SUCLG2: variants seen among roughly 807,000 people sequenced by gnomAD.
SUCLG2 encodes the protein succinate-CoA ligase GDP-forming subunit beta, also known as succinate--CoA ligase [GDP-forming] subunit beta, mitochondrial.
A neutral mutation model predicts 47.9 loss-of-function variants in SUCLG2; 42 were observed. The observed-to-expected ratio is 0.88, with a 90% CI of 0.69 to 1.14. SUCLG2 has a LOEUF of 1.14. Among genes scored for constraint, SUCLG2 ranks in the 50% most tolerant of loss-of-function variants. The pLI, the probability that SUCLG2 is intolerant of heterozygous loss-of-function variation, is 0.00. For synonymous variants in SUCLG2, 195 were observed against 197.3 expected (o/e 0.99, Z 0.10); for missense variants, 571 against 525.9 (o/e 1.09, Z -0.84).
chr3:67,608,637 G>C (rs1344576925), intron 2 of SUCLG2, among the ~76,000 whole-genome samples: 1 of 151,468 alleles, frequency 6.6e-6, no homozygotes, highest in East Asian at 2.0e-4. Context: ...CCCTCCCTAA[G>C]GGATACTGAA....
chr3:67,537,077 A>G (rs544145986), intron 2 of SUCLG2, among the ~76,000 whole-genome samples: 89 of 152,270 alleles, frequency 5.8e-4, no homozygotes, highest in African/African-American at 2.1e-3. Context: ...AGGTTCTGGG[A>G]TATATATGCA....
chr3:67,433,460 G>A (rs567818045), intron 9 of SUCLG2, among the ~76,000 whole-genome samples: 4 of 152,256 alleles, frequency 2.6e-5, no homozygotes, highest in African/African-American at 9.6e-5. Context: ...AGATAGGAAG[G>A]TGCGCACGGT....
chr3:67,597,537 A>G (rs1708320501), intron 2 of SUCLG2, among the ~76,000 whole-genome samples: 1 of 152,116 alleles, frequency 6.6e-6, no homozygotes, highest in Admixed American at 6.5e-5. Context: ...CTCCCTATCT[A>G]TTTCTGTACC....
chr3:67,452,239 C>T (rs1704073288), intron 9 of SUCLG2, among the ~76,000 whole-genome samples: 1 of 152,156 alleles, frequency 6.6e-6, no homozygotes, highest in African/African-American at 2.4e-5. Flanking sequence ...AAAATCTCAT[C>T]CCTTTATATT....
At chr3:67,472,696 G>C (rs1704634106) in intron 9 of SUCLG2, among the ~76,000 whole-genome samples, 1 of 152,066 alleles carries the variant, frequency 6.6e-6, no homozygotes, top group Non-Finnish European at 1.5e-5. Flanking sequence ...TAACTAAATG[G>C]TCACCAGAGG....
intron 2 of SUCLG2, among the ~76,000 whole-genome samples, chr3:67,585,699 A>G (rs1707996409): frequency 2.6e-5 from 4 of 152,024 alleles, no homozygotes; most frequent in African/African-American, 9.7e-5. Flanking sequence ...GCAGTGGCTC[A>G]TATCTGTAAT....
intron 2 of SUCLG2, among the ~76,000 whole-genome samples, chr3:67,554,885 A>T (rs1216713107): frequency 6.6e-6 from 1 of 152,174 alleles, no homozygotes; most frequent in Non-Finnish European, 1.5e-5. Flanking sequence ...GTCCCCTAGT[A>T]CGTGAGGACA....
chr3:67,491,087 C>A (rs2107045051), intron 9 of SUCLG2, among the ~76,000 whole-genome samples: 1 of 152,004 alleles, frequency 6.6e-6, no homozygotes, highest in East Asian at 1.9e-4. Flanking sequence ...TTTGGGAGGC[C>A]CAGGCGGGAG....
intron 9 of SUCLG2, among the ~76,000 whole-genome samples, chr3:67,462,426 T>C (rs966661762): frequency 6.6e-6 from 1 of 152,244 alleles, no homozygotes; most frequent in Admixed American, 6.5e-5. Context: ...CATACCCTTT[T>C]TGTCTAGTCA....
At chr3:67,646,355 T>A (rs1701191498) in intron 1 of SUCLG2, among the ~76,000 whole-genome samples, 1 of 152,154 alleles carries the variant, frequency 6.6e-6, no homozygotes, top group Non-Finnish European at 1.5e-5. Context: ...CAGCACTTTG[T>A]GAGGCCAGGT....
intron 10 of SUCLG2, among the ~76,000 whole-genome samples, chr3:67,393,972 G>A (rs1184988877): frequency 1.3e-5 from 2 of 152,154 alleles, no homozygotes; most frequent in African/African-American, 4.8e-5. Flanking sequence ...CTGTCTGTTA[G>A]AAGGAAAACT....
intron 1 of SUCLG2, among the ~76,000 whole-genome samples, chr3:67,646,338 T>TG (rs1701191199): frequency 6.6e-6 from 1 of 152,102 alleles, no homozygotes. Context: ...GGCTCACGCC[T>TG]TAATCCCAGC....
At chr3:67,399,445 T>G (rs1702633761) in intron 10 of SUCLG2, among the ~76,000 whole-genome samples, 1 of 152,188 alleles carries the variant, frequency 6.6e-6, no homozygotes, top group South Asian at 2.1e-4. Flanking sequence ...TTCTTAAATA[T>G]GAGTGAAGTG....
At chr3:67,597,216 T>C (rs1708313283) in intron 2 of SUCLG2, among the ~76,000 whole-genome samples, 1 of 152,204 alleles carries the variant, frequency 6.6e-6, no homozygotes. Flanking sequence ...GACACCGAGT[T>C]GATGTGTCCC....
chr3:67,363,195 A>C (rs1701828861), intron 10 of SUCLG2, among the ~76,000 whole-genome samples: 1 of 152,204 alleles, frequency 6.6e-6, no homozygotes, highest in African/African-American at 2.4e-5. Context: ...CATTGGTATA[A>C]ATCTTTGGAT....
At chr3:67,547,600 G>C (rs2107187597) in intron 2 of SUCLG2, among the ~76,000 whole-genome samples, 1 of 152,224 alleles carries the variant, frequency 6.6e-6, no homozygotes, top group South Asian at 2.1e-4. Flanking sequence ...TTTGACTGTG[G>C]GGAGGGGGCA....
Position 67,551,992 on chromosome 3 carries a change from G to A in SUCLG2, c.227-22806C>T, listed in dbSNP as rs141269262. Among the ~76,000 whole-genome samples the A allele has an allele frequency of 3.3e-5, 5 of 152,102 alleles. No homozygotes were observed. The East Asian group carries it at 9.7e-4, about 29-fold the overall frequency. ...CCACCCACAACTCTCACCTATTCAA[G>A]CTCAGGTGAATATAAGAAGTTGGTG... On this transcript the variant is annotated intron_variant, in intron 2 of 10. Coordinates refer to ENST00000307227, the MANE Select transcript of SUCLG2 (RefSeq NM_003848.4).
At chr3:67,588,806 G>C (rs900028438) in intron 2 of SUCLG2, among the ~76,000 whole-genome samples, 2 of 152,090 alleles carry the variant, frequency 1.3e-5, no homozygotes, top group Admixed American at 6.5e-5. Context: ...TAAGAGATGG[G>C]GTATGTACAG....
Position 67,468,607 on chromosome 3 carries a change from T to C in SUCLG2, c.1062+27191A>G, listed in dbSNP as rs193041264. Among the ~76,000 whole-genome samples the C allele has an allele frequency of 2.0e-5, 3 of 152,180 alleles. No homozygotes were observed. The East Asian group carries it at 5.8e-4, about 29-fold the overall frequency. On this transcript the variant is annotated intron_variant, in intron 9 of 10. Transcript: ENST00000307227. ...GAATGTGAAGAGAAAGAAAAAGAGA[T>C]GGGCCAAGGAGCAATGAGATGCCAG...
Sources: allele counts gnomAD v4.1 joint callset (sites outside exome capture counted in the v4.1 genomes callset), GRCh38; gene constraint gnomAD v4.1.1; transcripts MANE v1.5; gene names NCBI Gene and HGNC (gene_info 2026-07-23, HGNC 2026-07-21).